The following PRLR variants were observed in gnomAD, a reference collection of about 807,000 sequenced individuals.
The protein encoded by PRLR is prolactin receptor.
A neutral mutation model predicts 40.2 loss-of-function variants in PRLR; 13 were observed. The ratio of observed to expected loss-of-function variants is 0.32; its 90% CI spans 0.21 to 0.51. The LOEUF (loss-of-function observed/expected upper bound fraction) is 0.51, where lower values mean the gene tolerates loss of function less well. PRLR is among the 20% of genes least tolerant of loss of function. The pLI, the probability that PRLR is intolerant of heterozygous loss-of-function variation, is 0.97. For synonymous variants in PRLR, 269 were observed against 278.7 expected, an observed-to-expected ratio of 0.97 and a Z score of 0.35; for missense variants, 656 against 747.3, an observed-to-expected ratio of 0.88 and a Z score of 1.42.
intron 1 of PRLR, among the ~76,000 whole-genome samples, chr5:35,204,955 T>G (rs928844157): frequency 6.6e-6 from 1 of 152,174 alleles, no homozygotes; most frequent in Admixed American, 6.5e-5. Flanking sequence ...GACACCCTTC[T>G]TCCCCAGGAC....
At chr5:35,086,773 C>T (rs1012492992) in intron 3 of PRLR, among the ~76,000 whole-genome samples, 2 of 152,086 alleles carry the variant, frequency 1.3e-5, no homozygotes, top group African/African-American at 4.8e-5. Flanking sequence ...ACAAAGAATC[C>T]TTCCCAGGTA....
intron 1 of PRLR, among the ~76,000 whole-genome samples, chr5:35,167,157 CTA>C (rs769394714): frequency 6.6e-6 from 1 of 150,950 alleles, no homozygotes; most frequent in Non-Finnish European, 1.5e-5. Flanking sequence ...ATCTATCTAT[CTA>C]TCTATCTATC....
At chr5:35,134,399 G>A (rs1773786037) in intron 1 of PRLR, among the ~76,000 whole-genome samples, 1 of 151,956 alleles carries the variant, frequency 6.6e-6, no homozygotes. Flanking sequence ...GAATAAGGGC[G>A]GGGAGTGGGG....
rs115709761 is a variant in PRLR, at chr5:35,172,528, C to A, written c.-105-54406G>T. Among the ~76,000 whole-genome samples, 355 of 152,320 alleles carry A rather than the reference C, an allele frequency of 2.3e-3. 1 individual carries two copies. The highest frequency in any genetic ancestry group is 8.2e-3 in the African/African-American group (340 of 41,568). On this transcript the variant is annotated intron_variant, in intron 1 of 9. Transcript: ENST00000618457. ...GTGGTGACTGTCCCACCCTCTGACC[C>A]TTCCGACATGGGTTGGCTCTGGAAC...
intron 5 of PRLR, 63 bp from the exon 6 acceptor site, chr5:35,072,807 T>C: frequency 1.3e-6 from 2 of 1,563,350 alleles, no homozygotes; most frequent in Non-Finnish European, 1.7e-6. Flanking sequence ...GGCTTTACCA[T>C]TTTCTATTAG....
intron 1 of PRLR, among the ~76,000 whole-genome samples, chr5:35,230,014 G>A (rs542907169): frequency 6.6e-6 from 1 of 152,262 alleles, no homozygotes; most frequent in South Asian, 2.1e-4. Flanking sequence ...GGCAGTGGTG[G>A]AGGCAAAGCA....
chr5:35,207,351 C>T (rs2111628080), intron 1 of PRLR, among the ~76,000 whole-genome samples: 1 of 151,758 alleles, frequency 6.6e-6, no homozygotes, highest in South Asian at 2.1e-4. Context: ...AATATTTATC[C>T]TGTAGTCCAG....
At chr5:35,103,240 A>G (rs1772010808) in intron 2 of PRLR, among the ~76,000 whole-genome samples, 1 of 152,238 alleles carries the variant, frequency 6.6e-6, no homozygotes. Flanking sequence ...CTGAACTTAG[A>G]AAAATATGGT....
At chr5:35,093,512 C>T (rs964835883) in intron 2 of PRLR, among the ~76,000 whole-genome samples, 1 of 152,168 alleles carries the variant, frequency 6.6e-6, no homozygotes, top group Non-Finnish European at 1.5e-5. Flanking sequence ...GTTGCTGCAA[C>T]CTTCTACTCA....
intron 5 of PRLR, among the ~76,000 whole-genome samples, chr5:35,078,290 A>C (rs1473254215): frequency 1.3e-5 from 2 of 152,178 alleles, no homozygotes; most frequent in African/African-American, 2.4e-5. Flanking sequence ...AGATCAACAA[A>C]ATTAATAGAC....
chr5:35,088,852 C>CATACGGATATACACA (rs1561286062), intron 3 of PRLR, among the ~76,000 whole-genome samples: 1 of 152,162 alleles, frequency 6.6e-6, no homozygotes, highest in African/African-American at 2.4e-5. Context: ...GAAGTGTGCA[C>CATACGGATATACACA]ATACGGATAT....
rs949461135 is a variant in PRLR, at chr5:35,049,458, A to G, written c.1010-50T>C. 2.0e-5 allele frequency: 14 copies of G among 697,936 alleles called. No homozygotes were observed. In the African/African-American group the frequency reaches 2.3e-4, roughly 11 times the overall value. The allele number at this position is 697,936 out of a possible 1,614,324, so 43.2% of individuals were successfully genotyped here. On this transcript the variant is annotated intron_variant, in intron 8 of 8. Transcript: ENST00000231423. ...CATTCTGAATAACTTCTAGAGGGAA[A>G]GTGGGAGGTTATACCTCTTTTATTT...
At position 35,074,504 on chromosome 5, in the gene PRLR, C is replaced by CATATATATATATATATAT. The variant is rs3034214; in HGVS notation, c.374-1778_374-1761dup. Among the ~76,000 whole-genome samples the CATATATATATATATATAT allele has an allele frequency of 5.8e-4, 77 of 132,608 alleles. 2 individuals carry two copies. The highest frequency in any genetic ancestry group is 2.2e-3 in the African/African-American group (66 of 30,214). 87.0% of individuals were successfully genotyped at this position (132,608 alleles called of 152,430 possible). A position where few individuals can be genotyped will look rare whatever the true frequency, so the allele number is the denominator to read the frequency against. On this transcript the variant is annotated intron_variant, in intron 5 of 9. Coordinates refer to ENST00000618457, the MANE Select transcript of PRLR (RefSeq NM_000949.7). Reference sequence around the variant, plus strand: ...AACAGCTACATATTTTTTATGATTCCATATATATATATATATATATATGAA... The same window carrying CATATATATATATATATAT: ...AACAGCTACATATTTTTTATGATTCCATATATATATATATATATATATATATATATATATATATATGAA...
At chr5:35,228,185 A>G (rs916470631) in intron 1 of PRLR, among the ~76,000 whole-genome samples, 11 of 145,324 alleles carry the variant, frequency 7.6e-5, no homozygotes, top group Non-Finnish European at 1.5e-4. Flanking sequence ...ATCATTGACT[A>G]TGGGCTAGGC....
At chr5:35,168,069 A>G (rs1369831566) in intron 1 of PRLR, among the ~76,000 whole-genome samples, 3 of 152,074 alleles carry the variant, frequency 2.0e-5, no homozygotes, top group South Asian at 4.1e-4. Context: ...AGAGTTATAC[A>G]TAATATCAGA....
chr5:35,107,658 C>CTCCCAAGACTCAACCAGGAAG (rs1384402964), intron 2 of PRLR, among the ~76,000 whole-genome samples: 1 of 152,136 alleles, frequency 6.6e-6, no homozygotes, highest in Non-Finnish European at 1.5e-5. Flanking sequence ...AACACACACC[C>CTCCCAAGACTCAACCAGGAAG]TCCCAAGACT....
intron 1 of PRLR, among the ~76,000 whole-genome samples, chr5:35,153,927 T>C (rs80001445): frequency 0.026 from 3,923 of 152,266 alleles, 84 homozygotes; most frequent in Middle Eastern, 0.092. Flanking sequence ...GCAAAGTCTC[T>C]TGGTAACCAG....
At chr5:35,133,506 C>T (rs1773753195) in intron 1 of PRLR, among the ~76,000 whole-genome samples, 1 of 152,108 alleles carries the variant, frequency 6.6e-6, no homozygotes, top group South Asian at 2.1e-4. Flanking sequence ...TTCTTAGCAG[C>T]CAAATTTGTT....
intron 1 of PRLR, among the ~76,000 whole-genome samples, chr5:35,212,015 C>A (rs546513039): frequency 6.6e-6 from 1 of 152,094 alleles, no homozygotes; most frequent in Non-Finnish European, 1.5e-5. Context: ...GGCTATATGG[C>A]CCAAAAAGCC....
Sources: gnomAD v4.1 joint callset for allele counts (sites outside exome capture counted in the v4.1 genomes callset) on GRCh38, gnomAD v4.1.1 for gene constraint, MANE v1.5 for transcripts, NCBI Gene and HGNC (gene_info 2026-07-23, HGNC 2026-07-21) for gene names.